Variants in SFI1 observed in about 807,000 individuals in gnomAD.
SFI1 encodes protein SFI1 homolog.
Under a neutral mutation model 207.5 loss-of-function variants are expected in SFI1, and 195 were observed. The observed-to-expected ratio is 0.94, with a 90% CI of 0.84 to 1.06. The LOEUF (loss-of-function observed/expected upper bound fraction) is 1.06. SFI1 is among the 50% of genes least tolerant of loss of function. The pLI, the probability that SFI1 is intolerant of heterozygous loss-of-function variation, is 0.00. For synonymous variants in SFI1, 630 were observed against 598.9 expected, an observed-to-expected ratio of 1.05 and a Z score of -0.76; for missense variants, 1,634 against 1,588.0, an observed-to-expected ratio of 1.03 and a Z score of -0.49.
intron 22 of SFI1, 76 bp downstream of exon 22, chr22:31,608,109 A>T (rs935837835): frequency 1.7e-6 from 2 of 1,197,264 alleles, no homozygotes; most frequent in Non-Finnish European, 2.5e-6. Context: ...TGTGGCCCGC[A>T]TAAGTCTGTC....
intron 29 of SFI1, chr22:31,616,306 G>A (rs150440831): frequency 1.0e-4 from 16 of 159,810 alleles, no homozygotes; most frequent in East Asian, 9.2e-4. Flanking sequence ...ACCCCTGTCC[G>A]GTGATGGAAG....
At chr22:31,579,704 A>G (rs2063893245) in intron 11 of SFI1, among the ~76,000 whole-genome samples, 1 of 152,176 alleles carries the variant, frequency 6.6e-6, no homozygotes. Context: ...CTCCTGCCTC[A>G]GCATCCTAAA....
At chr22:31,511,474 T>TTTTG (rs2055531335) in intron 2 of SFI1, among the ~76,000 whole-genome samples, 1 of 146,768 alleles carries the variant, frequency 6.8e-6, no homozygotes, top group Non-Finnish European at 1.5e-5. Context: ...GTTTTTTTTT[T>TTTTG]TTTTTTTTTT....
intron 2 of SFI1, among the ~76,000 whole-genome samples, chr22:31,515,122 G>C (rs140968983): frequency 3.3e-5 from 5 of 151,702 alleles, no homozygotes; most frequent in African/African-American, 1.2e-4. Flanking sequence ...GTTGGCTTTG[G>C]TATCACACTT....
intron 15 of SFI1, among the ~76,000 whole-genome samples, chr22:31,600,742 C>G (rs947483020): frequency 6.6e-6 from 1 of 152,216 alleles, no homozygotes; most frequent in Non-Finnish European, 1.5e-5. Flanking sequence ...AAAGTCTGGG[C>G]GGCCTAGGGG....
At chr22:31,540,723 G>A (rs1017992923) in intron 4 of SFI1, among the ~76,000 whole-genome samples, 1 of 152,028 alleles carries the variant, frequency 6.6e-6, no homozygotes, top group African/African-American at 2.4e-5. Flanking sequence ...TGAGACCATA[G>A]GCATGCGCCA....
chr22:31,578,546 G>A, intron 11 of SFI1, 94 bp downstream of exon 11: 1 of 1,153,740 alleles, frequency 8.7e-7, no homozygotes, highest in Non-Finnish European at 1.2e-6. Flanking sequence ...TTCATTAAAT[G>A]CAGTCAGCTA....
At chr22:31,586,162 C>T (rs1353847885) in intron 14 of SFI1, among the ~76,000 whole-genome samples, 1 of 152,140 alleles carries the variant, frequency 6.6e-6, no homozygotes, top group South Asian at 2.1e-4. Context: ...CCTAAAGGTC[C>T]TCTGTGCCCT....
intron 1 of SFI1, among the ~76,000 whole-genome samples, chr22:31,505,438 GA>G (rs1181284197): frequency 7.5e-6 from 1 of 132,900 alleles, no homozygotes; most frequent in Admixed American, 7.8e-5. Context: ...GACTGTCTCG[GA>G]AAAAAAGAAA....
chr22:31,607,844 C>A, intron 21 of SFI1, 93 bp from the exon 22 acceptor site: 1 of 1,102,164 alleles, frequency 9.1e-7, no homozygotes, highest in Non-Finnish European at 1.3e-6. Flanking sequence ...ACAGCTTGGC[C>A]TTGCCTCTCC....
At chr22:31,582,629 G>C (rs2146200157) in intron 12 of SFI1, among the ~76,000 whole-genome samples, 1 of 152,146 alleles carries the variant, frequency 6.6e-6, no homozygotes, top group East Asian at 1.9e-4. Flanking sequence ...GTACAGTTCA[G>C]TGACATGTAC....
At chr22:31,557,621 TAA>T (rs990772197) in intron 7 of SFI1, among the ~76,000 whole-genome samples, 2 of 152,246 alleles carry the variant, frequency 1.3e-5, no homozygotes, top group African/African-American at 4.8e-5. Context: ...AACCCTGTGT[TAA>T]GTTTGTGTGT....
Position 31,546,986 on chromosome 22 carries a change from T to G in SFI1, c.449+15T>G, listed in dbSNP as rs1439524758. 3 of 1,540,204 alleles carry G rather than the reference T, an allele frequency of 1.9e-6. No homozygotes were observed. The highest frequency in any genetic ancestry group is 2.7e-6 in the Non-Finnish European group (3 of 1,121,694). ...TGTCACTACAGGTCAGGTTTCATGTTACACTCCTTCAGTTTTACTGATGCA... is the reference window on the plus strand; with the variant it reads ...TGTCACTACAGGTCAGGTTTCATGTGACACTCCTTCAGTTTTACTGATGCA... On this transcript the variant is annotated intron_variant, in intron 5 of 32. Coordinates refer to ENST00000400288, the MANE Select transcript of SFI1 (RefSeq NM_001007467.3).
At chr22:31,578,582 T>G in intron 11 of SFI1, 130 bp downstream of exon 11, 6 of 701,644 alleles carry the variant, frequency 8.6e-6, no homozygotes, top group Non-Finnish European at 1.1e-5. Context: ...CATGAAGCCC[T>G]CCTTTCATTG....
intron 10 of SFI1, among the ~76,000 whole-genome samples, chr22:31,576,800 C>G (rs1031136823): frequency 6.6e-6 from 1 of 151,986 alleles, no homozygotes; most frequent in South Asian, 2.1e-4. Flanking sequence ...CCACCATGTC[C>G]GGCTAATTTT....
intron 4 of SFI1, among the ~76,000 whole-genome samples, chr22:31,542,048 C>T (rs1476817513): frequency 6.8e-6 from 1 of 147,156 alleles, no homozygotes; most frequent in Non-Finnish European, 1.5e-5. Flanking sequence ...TTGCAGTGAG[C>T]CGAGATCACA....
intron 17 of SFI1, 66 bp downstream of exon 17, chr22:31,602,851 C>T (rs1162553240): frequency 3.9e-6 from 6 of 1,536,176 alleles, no homozygotes; most frequent in Non-Finnish European, 5.3e-6. Context: ...TCTAGCAGCA[C>T]CATGAGCTCC....
At chr22:31,570,576 A>G (rs1379760821) in intron 8 of SFI1, among the ~76,000 whole-genome samples, 1 of 152,170 alleles carries the variant, frequency 6.6e-6, no homozygotes, top group African/African-American at 2.4e-5. Flanking sequence ...TGGGAAATTC[A>G]GGAGTTCTTA....
At chr22:31,606,232 T>A in intron 20 of SFI1, 96 bp from the exon 21 acceptor site, 1 of 1,123,866 alleles carries the variant, frequency 8.9e-7, no homozygotes, top group Non-Finnish European at 1.3e-6. Context: ...AGTCCCTGAC[T>A]CAGGAGTAGG....
Sources: gnomAD v4.1 joint callset for allele counts (sites outside exome capture counted in the v4.1 genomes callset) on GRCh38, gnomAD v4.1.1 for gene constraint, MANE v1.5 for transcripts, NCBI Gene and HGNC (gene_info 2026-07-23, HGNC 2026-07-21) for gene names.